PARD3: variants seen among roughly 807,000 people sequenced by gnomAD.
PARD3 encodes the protein partitioning defective 3 homolog.
In PARD3, 75 loss-of-function variants were observed where a neutral mutation model predicts 155.4. That is an observed-to-expected ratio of 0.48 (90% confidence interval 0.40 to 0.58). The LOEUF (loss-of-function observed/expected upper bound fraction) is 0.58, where lower values mean the gene tolerates loss of function less well. PARD3 is among the 20% of genes least tolerant of loss of function. The probability of loss-of-function intolerance (pLI) is 0.00; values close to 1 mark genes in which losing one functional copy is unlikely to be tolerated. For missense variants in PARD3, 1,642 were observed against 1,721.7 expected (o/e 0.95, Z 0.82); for synonymous variants, 576 against 610.5 (o/e 0.94, Z 0.83).
chr10:34,406,119 C>A (rs1229498753), intron 5 of PARD3, among the ~76,000 whole-genome samples: 1 of 152,114 alleles, frequency 6.6e-6, no homozygotes, highest in Admixed American at 6.6e-5. Flanking sequence ...TGATTGCTAG[C>A]AGACTAAAAC....
chr10:34,614,793 A>G (rs1266752858), intron 2 of PARD3, among the ~76,000 whole-genome samples: 1 of 152,214 alleles, frequency 6.6e-6, no homozygotes, highest in Non-Finnish European at 1.5e-5. Context: ...AAAATCCTAA[A>G]ATTTATATGA....
At chr10:34,634,408 GT>G (rs1021020499) in intron 2 of PARD3, among the ~76,000 whole-genome samples, 6 of 152,044 alleles carry the variant, frequency 3.9e-5, no homozygotes, top group Non-Finnish European at 8.8e-5. Context: ...AAAAGATAAT[GT>G]TTTCCCTCCA....
intron 22 of PARD3, among the ~76,000 whole-genome samples, chr10:34,244,540 A>G (rs879354766): frequency 2.0e-5 from 3 of 152,206 alleles, no homozygotes; most frequent in Admixed American, 6.5e-5. Context: ...CCAAGAAAAA[A>G]ATGCAACGTT....
intron 1 of PARD3, among the ~76,000 whole-genome samples, chr10:34,741,852 AC>A (rs2095024727): frequency 6.6e-6 from 1 of 152,212 alleles, no homozygotes; most frequent in Non-Finnish European, 1.5e-5. Context: ...CTTCAAAAAG[AC>A]CATTACTGGT....
chr10:34,322,416 T>C (rs1958436502), intron 19 of PARD3, among the ~76,000 whole-genome samples: 1 of 152,190 alleles, frequency 6.6e-6, no homozygotes, highest in Non-Finnish European at 1.5e-5. Context: ...TATTTCCTTA[T>C]TGTTTGAGTT....
At chr10:34,597,344 A>G (rs1055868405) in intron 2 of PARD3, among the ~76,000 whole-genome samples, 2 of 151,544 alleles carry the variant, frequency 1.3e-5, no homozygotes, top group African/African-American at 2.4e-5. Context: ...GTTTTATAAT[A>G]TATTTTTGGC....
rs779536846 is a variant in PARD3 at position 34,331,328 on chromosome 10, A to G, written c.2622T>C (p.Asp874=). ...DDQKAGSPSR[D]VGPSLGLKKS... is the part of the protein sequence containing the mutation. ...TCTTCAGACCCAGGGAAGGACCCAC[A>G]TCTCTGCTGGGAGAACCTGGGAGGT... Residue 874 remains aspartate, a synonymous_variant, in exon 19 of 25, where the codon GAT becomes GAC. Transcript: ENST00000374788. 1.9e-6 allele frequency: 3 copies of G among 1,612,862 alleles called. No individual in the cohort carries two copies. The South Asian group carries it at 3.3e-5, about 18-fold the overall frequency.
At chr10:34,218,270 G>A (rs1425724629) in intron 22 of PARD3, among the ~76,000 whole-genome samples, 4 of 152,162 alleles carry the variant, frequency 2.6e-5, no homozygotes, top group African/African-American at 9.7e-5. Flanking sequence ...TATAGGAGTT[G>A]GAGGAGTTGG....
At chr10:34,379,664 A>AATGGG (rs775761734) in intron 9 of PARD3, among the ~76,000 whole-genome samples, 14 of 152,120 alleles carry the variant, frequency 9.2e-5, no homozygotes, top group Non-Finnish European at 1.6e-4. Flanking sequence ...AAGTTCAGGC[A>AATGGG]ATGACCTTTC....
intron 24 of PARD3, among the ~76,000 whole-genome samples, chr10:34,113,139 GAGTT>G (rs1422109491): frequency 1.3e-5 from 2 of 152,170 alleles, no homozygotes; most frequent in Non-Finnish European, 2.9e-5. Context: ...ATTCTTTTAT[GAGTT>G]ATCAGTTTGA....
chr10:34,637,741 G>A (rs2092533490), intron 2 of PARD3, among the ~76,000 whole-genome samples: 1 of 152,150 alleles, frequency 6.6e-6, no homozygotes, highest in African/African-American at 2.4e-5. Context: ...GCATCAGGCC[G>A]GCAGTTTGGA....
chr10:34,570,896 T>TC (rs2086337243), intron 2 of PARD3, among the ~76,000 whole-genome samples: 3 of 152,184 alleles, frequency 2.0e-5, no homozygotes, highest in African/African-American at 7.2e-5. Context: ...ATCCCAGGTG[T>TC]CCCTAGACCA....
At chr10:34,599,536 T>G (rs1448785602) in intron 2 of PARD3, among the ~76,000 whole-genome samples, 2 of 152,240 alleles carry the variant, frequency 1.3e-5, no homozygotes, top group African/African-American at 4.8e-5. Context: ...AGACTAGGAA[T>G]GTTGTTATCT....
intron 3 of PARD3, among the ~76,000 whole-genome samples, chr10:34,475,400 T>C (rs1221828405): frequency 1.3e-5 from 2 of 152,210 alleles, no homozygotes; most frequent in South Asian, 2.1e-4. Context: ...TTCACAAATA[T>C]GTAGCTGGAA....
At chr10:34,423,167 G>C (rs1017888056) in intron 5 of PARD3, among the ~76,000 whole-genome samples, 4 of 152,044 alleles carry the variant, frequency 2.6e-5, no homozygotes, top group African/African-American at 9.7e-5. Context: ...ATCTATCACT[G>C]TGGCAACATG....
At chr10:34,266,520 T>C (rs548280851) in intron 22 of PARD3, among the ~76,000 whole-genome samples, 1 of 152,268 alleles carries the variant, frequency 6.6e-6, no homozygotes, top group East Asian at 1.9e-4. Context: ...CTCTCCTGAG[T>C]TGGAAGCATC....
intron 1 of PARD3, among the ~76,000 whole-genome samples, chr10:34,723,406 C>T (rs1051002001): frequency 6.6e-6 from 1 of 152,148 alleles, no homozygotes; most frequent in African/African-American, 2.4e-5. Flanking sequence ...CTGAAACAGC[C>T]AGAGAGACAC....
At chr10:34,521,412 G>A (rs573919470) in intron 2 of PARD3, among the ~76,000 whole-genome samples, 9 of 148,294 alleles carry the variant, frequency 6.1e-5, no homozygotes, top group South Asian at 4.2e-4. Flanking sequence ...AAAAAACTGC[G>A]TATTAAAAAT....
At chr10:34,709,567 A>G (rs997563881) in intron 1 of PARD3, among the ~76,000 whole-genome samples, 1 of 151,412 alleles carries the variant, frequency 6.6e-6, no homozygotes, top group Non-Finnish European at 1.5e-5. Context: ...GGCGGGGGCC[A>G]CACACAGGTT....
Sources: allele counts gnomAD v4.1 joint callset (sites outside exome capture counted in the v4.1 genomes callset), GRCh38; gene constraint gnomAD v4.1.1; transcripts MANE v1.5; gene names NCBI Gene and HGNC (gene_info 2026-07-23, HGNC 2026-07-21).